GTF2F2: variants seen among roughly 807,000 people sequenced by gnomAD.
GTF2F2 encodes the protein ATP-dependent helicase GTF2F2.
In GTF2F2, 23 loss-of-function variants were observed where a neutral mutation model predicts 42.2. The observed-to-expected ratio is 0.55, with a 90% CI of 0.39 to 0.77. The LOEUF is 0.77. GTF2F2 is among the 30% of genes least tolerant of loss of function. GTF2F2 has a pLI of 0.00. For missense variants in GTF2F2, 261 were observed against 287.2 expected (o/e 0.91, Z 0.66); for synonymous variants, 105 against 100.8 (o/e 1.04, Z -0.25).
At chr13:45,269,598 C>A (rs1876706236) in intron 7 of GTF2F2, among the ~76,000 whole-genome samples, 1 of 152,102 alleles carries the variant, frequency 6.6e-6, no homozygotes, top group Non-Finnish European at 1.5e-5. Context: ...GGAATCTATT[C>A]TAGCATGAAG....
At chr13:45,183,391 C>T (rs1157748862) in intron 4 of GTF2F2, among the ~76,000 whole-genome samples, 1 of 152,130 alleles carries the variant, frequency 6.6e-6, no homozygotes. Flanking sequence ...ACTGTGGCTT[C>T]CATCCTCAGG....
intron 2 of GTF2F2, among the ~76,000 whole-genome samples, chr13:45,144,078 C>T (rs902855142): frequency 6.6e-6 from 1 of 151,908 alleles, no homozygotes; most frequent in Non-Finnish European, 1.5e-5. Flanking sequence ...GTGGTGAAAC[C>T]CCGTCTCTAC....
intron 6 of GTF2F2, among the ~76,000 whole-genome samples, chr13:45,258,745 ATTT>A (rs1289572238): frequency 1.3e-5 from 2 of 152,162 alleles, no homozygotes; most frequent in Non-Finnish European, 2.9e-5. Flanking sequence ...TCCCTTTAAA[ATTT>A]TTTATCTTGT....
intron 6 of GTF2F2, among the ~76,000 whole-genome samples, chr13:45,258,388 C>G (rs1303487343): frequency 2.0e-5 from 3 of 151,916 alleles, no homozygotes; most frequent in Non-Finnish European, 4.4e-5. Flanking sequence ...AGAAAAATCT[C>G]CCTCCCTCCC....
chr13:45,279,931 A>C (rs1283389220), intron 7 of GTF2F2, among the ~76,000 whole-genome samples: 1 of 151,190 alleles, frequency 6.6e-6, no homozygotes, highest in Non-Finnish European at 1.5e-5. Flanking sequence ...CCCCCCAAAA[A>C]AGGAGCATGT....
Position 45,140,369 on chromosome 13 carries a change from A to G in GTF2F2, c.140+3563A>G, listed in dbSNP as rs565896207. 1.4e-4 allele frequency among the ~76,000 whole-genome samples: 21 copies of G among 152,282 alleles called. No individual in the cohort carries two copies. The South Asian group carries it at 4.4e-3, about 32-fold the overall frequency. ...AAGGAATGATTGAGTATATGTTCAT[A>G]GTGGAGTCAGGCTTGTATTCTGGCC... On this transcript the variant is annotated intron_variant, in intron 2 of 7. Coordinates refer to ENST00000340473, the MANE Select transcript of GTF2F2 (RefSeq NM_004128.3).
At chr13:45,281,436 G>A (rs577738256) in intron 7 of GTF2F2, among the ~76,000 whole-genome samples, 5 of 152,320 alleles carry the variant, frequency 3.3e-5, no homozygotes, top group African/African-American at 1.2e-4. Flanking sequence ...GATTATGTTG[G>A]TAACACGTAC....
intron 7 of GTF2F2, among the ~76,000 whole-genome samples, chr13:45,281,685 G>A (rs973365142): frequency 3.3e-5 from 5 of 152,206 alleles, no homozygotes; most frequent in African/African-American, 9.7e-5. Flanking sequence ...GATGCAGGTG[G>A]TCTAGCACCA....
intron 2 of GTF2F2, among the ~76,000 whole-genome samples, chr13:45,146,201 G>A (rs935431177): frequency 6.6e-6 from 1 of 152,046 alleles, no homozygotes; most frequent in East Asian, 1.9e-4. Context: ...AGTATGAATA[G>A]GAATTAAAAC....
chr13:45,265,973 C>G (rs1415634279), intron 6 of GTF2F2, among the ~76,000 whole-genome samples: 1 of 152,100 alleles, frequency 6.6e-6, no homozygotes, highest in African/African-American at 2.4e-5. Context: ...TGAAGTGTTC[C>G]TAAAAAGAAA....
chr13:45,138,143 T>G (rs1305832607), intron 2 of GTF2F2, among the ~76,000 whole-genome samples: 1 of 152,186 alleles, frequency 6.6e-6, no homozygotes, highest in African/African-American at 2.4e-5. Flanking sequence ...GGCTGTTCCT[T>G]CTTAGTTTCT....
intron 5 of GTF2F2, among the ~76,000 whole-genome samples, chr13:45,212,971 GC>G (rs1217253712): frequency 6.6e-6 from 1 of 151,732 alleles, no homozygotes; most frequent in Non-Finnish European, 1.5e-5. Context: ...CCAACTCCTG[GC>G]CTCAAGTTAT....
intron 1 of GTF2F2, among the ~76,000 whole-genome samples, chr13:45,129,595 A>G (rs1305105705): frequency 2.0e-5 from 3 of 152,190 alleles, no homozygotes; most frequent in Admixed American, 6.5e-5. Flanking sequence ...TATCCTAGGT[A>G]TATTCCAGTA....
chr13:45,136,677 G>A lies in GTF2F2; in HGVS notation c.67-56G>A, dbSNP rs190042066. 151 of 902,590 alleles carry A rather than the reference G, an allele frequency of 1.7e-4. 1 individual carries two copies. The East Asian group carries it at 3.3e-3, about 20-fold the overall frequency. 55.9% of individuals were successfully genotyped at this position (902,590 alleles called of 1,614,324 possible). A position where few individuals can be genotyped will look rare whatever the true frequency, so the allele number is the denominator to read the frequency against. ...AAATAGAAGCAATATATCATTTTAT[G>A]TTTGAAAAGATGTTAGCATCTAAAA... On this transcript the variant is annotated intron_variant, in intron 1 of 7. Coordinates refer to ENST00000340473, the MANE Select transcript of GTF2F2 (RefSeq NM_004128.3).
At chr13:45,132,013 A>G (rs1409971597) in intron 1 of GTF2F2, among the ~76,000 whole-genome samples, 3 of 151,838 alleles carry the variant, frequency 2.0e-5, no homozygotes, top group Non-Finnish European at 4.4e-5. Context: ...GAGCAAATTT[A>G]TAAGCCTCCC....
At chr13:45,205,727 C>T (rs1419525357) in intron 4 of GTF2F2, among the ~76,000 whole-genome samples, 1 of 152,080 alleles carries the variant, frequency 6.6e-6, no homozygotes, top group African/African-American at 2.4e-5. Flanking sequence ...ACCATGTTGG[C>T]CAGCATGGTC....
Position 45,190,354 on chromosome 13 carries a change from A to G in GTF2F2, c.305-17070A>G, listed in dbSNP as rs544881895. ...ATTATAAGGTTGTATCAAGTGAGGC[A>G]AACCTATATTTTGGTATTCTGTATT... On this transcript the variant is annotated intron_variant, in intron 4 of 7. Coordinates refer to ENST00000340473, the MANE Select transcript of GTF2F2 (RefSeq NM_004128.3). Among the ~76,000 whole-genome samples the G allele has an allele frequency of 1.5e-3, 234 of 152,352 alleles. 1 individual carries two copies. The highest frequency in any genetic ancestry group is 2.7e-3 in the Non-Finnish European group (185 of 68,026).
chr13:45,146,891 T>C (rs1870220358), intron 2 of GTF2F2, among the ~76,000 whole-genome samples: 1 of 152,218 alleles, frequency 6.6e-6, no homozygotes, highest in African/African-American at 2.4e-5. Flanking sequence ...AAAGGGTATA[T>C]TATAGTTGTA....
intron 5 of GTF2F2, among the ~76,000 whole-genome samples, chr13:45,211,020 A>C (rs895620971): frequency 3.9e-5 from 6 of 152,166 alleles, no homozygotes; most frequent in Non-Finnish European, 5.9e-5. Context: ...AATAGGACTT[A>C]ATGAACTTAC....
Sources: gnomAD v4.1 joint callset for allele counts (sites outside exome capture counted in the v4.1 genomes callset) on GRCh38, gnomAD v4.1.1 for gene constraint, MANE v1.5 for transcripts, NCBI Gene and HGNC (gene_info 2026-07-23, HGNC 2026-07-21) for gene names.